PCDHGA6: variants seen among roughly 807,000 people sequenced by gnomAD.
PCDHGA6 encodes protocadherin gamma-A6.
A neutral mutation model predicts 60.6 loss-of-function variants in PCDHGA6; 41 were observed. The ratio of observed to expected loss-of-function variants is 0.68; its 90% CI spans 0.53 to 0.88. The LOEUF (loss-of-function observed/expected upper bound fraction) is 0.88, where lower values mean the gene tolerates loss of function less well. Ranked by LOEUF, PCDHGA6 falls within the 40% of genes least tolerant of loss-of-function variation. The pLI is 0.00. For synonymous variants in PCDHGA6, 594 were observed against 524.4 expected, an observed-to-expected ratio of 1.13 and a Z score of -1.81; for missense variants, 1,312 against 1,203.0, an observed-to-expected ratio of 1.09 and a Z score of -1.34.
chr5:141,456,178 A>G (rs1216202318), intron 1 of PCDHGA6, among the ~76,000 whole-genome samples: 1 of 151,926 alleles, frequency 6.6e-6, no homozygotes, highest in African/African-American at 2.4e-5. Context: ...ATTACAGAAT[A>G]ATTTCTTAAT....
rs752392369 is a variant in PCDHGA6 at position 141,422,109 on chromosome 5, A to G, written c.2424+45602A>G. ...AAAGCAAGGCTTCTGAAATATTCCA[A>G]TTGGATTCACAAACTGGAGAAGTTC... On this transcript the variant is annotated intron_variant, in intron 1 of 3. Coordinates refer to ENST00000517434, the MANE Select transcript of PCDHGA6 (RefSeq NM_018919.3). 6 of 1,606,850 alleles carry G rather than the reference A, an allele frequency of 3.7e-6. No homozygotes were observed. The African/African-American group carries it at 4.0e-5, about 11-fold the overall frequency.
chr5:141,426,643 T>C (rs1280631056), intron 1 of PCDHGA6: 1 of 411,758 alleles, frequency 2.4e-6, no homozygotes, highest in Non-Finnish European at 5.0e-6. Flanking sequence ...CACATAAATG[T>C]GATGATAGAA....
chr5:141,469,731 C>T (rs1332201791), intron 1 of PCDHGA6, among the ~76,000 whole-genome samples: 1 of 152,214 alleles, frequency 6.6e-6, no homozygotes, highest in Non-Finnish European at 1.5e-5. Context: ...ATCATAAATA[C>T]ACACCTCAAA....
chr5:141,422,453 G>A, intron 1 of PCDHGA6: 3 of 1,611,704 alleles, frequency 1.9e-6, no homozygotes, highest in Non-Finnish European at 2.5e-6. Context: ...ATAACAAGCA[G>A]AGTGCTGGAC....
At chr5:141,475,145 C>T (rs1214674720) in intron 1 of PCDHGA6, among the ~76,000 whole-genome samples, 2 of 151,980 alleles carry the variant, frequency 1.3e-5, no homozygotes, top group Non-Finnish European at 1.5e-5. Flanking sequence ...AAATCTTCTC[C>T]GTCTTCTTCT....
intron 1 of PCDHGA6, chr5:141,394,938 G>C: frequency 6.2e-7 from 1 of 1,613,780 alleles, no homozygotes; most frequent in Admixed American, 1.7e-5. Context: ...CGCCTTTGTC[G>C]CTGTGCTTCT....
At position 141,389,566 on chromosome 5, in the gene PCDHGA6, T is replaced by A. The variant is rs757362223; in HGVS notation, c.2424+13059T>A. On this transcript the variant is annotated intron_variant, in intron 1 of 3. Transcript: ENST00000517434. ...CGCAACGACAATGCGCCACGGGTGC[T>A]GTACCCCGCGCTGGGTCCCGACGGC... The A allele has an allele frequency of 3.2e-5, 52 of 1,613,278 alleles. No homozygotes were observed. The Middle Eastern group carries it at 6.6e-4, about 21-fold the overall frequency.
At chr5:141,384,179 G>C in intron 1 of PCDHGA6, 7 of 1,613,830 alleles carry the variant, frequency 4.3e-6, no homozygotes, top group Non-Finnish European at 5.9e-6. Context: ...GCCACAGATG[G>C]TGGAACTCCT....
intron 1 of PCDHGA6, among the ~76,000 whole-genome samples, chr5:141,492,886 C>A (rs1479930324): frequency 6.6e-6 from 1 of 152,178 alleles, no homozygotes; most frequent in African/African-American, 2.4e-5. Context: ...GAGATACAGG[C>A]TTTTGGCGCC....
intron 1 of PCDHGA6, chr5:141,393,081 A>T (rs1005323306): frequency 6.2e-7 from 1 of 1,613,672 alleles, no homozygotes; most frequent in South Asian, 1.1e-5. Flanking sequence ...CGCGGGCAGG[A>T]TAGATCGGGA....
In PCDHGA6 at chr5:141,375,541, A is replaced by C. The variant is rs566370523; in HGVS notation, c.1458A>C (p.Gln486His). 1 of 1,613,904 alleles carries C rather than the reference A, an allele frequency of 6.2e-7. No individual in the cohort carries two copies. Among genetic ancestry groups the C allele is most frequent in the South Asian group, 1.1e-5 (1 of 91,074 alleles). Residue 486 changes from glutamine to histidine, a missense_variant, in exon 1 of 4, where the codon CAA (glutamine) becomes CAC (histidine). By Grantham distance (24) the Gln-to-His change is conservative. Coordinates refer to ENST00000517434, the MANE Select transcript of PCDHGA6 (RefSeq NM_018919.3). ...ACCCTGACGTGGACCAGAACGCCCA[A>C]GTCTCCTACTCACTGGCAGAAGACA... ...ALDPDVDQNA[Q>H]VSYSLAEDTL...
chr5:141,381,775 C>T (rs1162791919), intron 1 of PCDHGA6, among the ~76,000 whole-genome samples: 1 of 150,644 alleles, frequency 6.6e-6, no homozygotes, highest in East Asian at 1.9e-4. Flanking sequence ...AATCAATAAT[C>T]AGGAACAAGG....
chr5:141,476,920 A>G lies in PCDHGA6; in HGVS notation c.2425-17887A>G. The G allele has an allele frequency of 6.2e-7, 1 of 1,614,094 alleles. No individual in the cohort carries two copies. The highest frequency in any genetic ancestry group is 1.1e-5 in the South Asian group (1 of 91,088). On this transcript the variant is annotated intron_variant, in intron 1 of 3. Coordinates refer to ENST00000517434, the MANE Select transcript of PCDHGA6 (RefSeq NM_018919.3). This position sits in a 1 kb window ranked among gnomAD's most constrained non-coding sequence, Gnocchi z 7.6. ...GCACGCGCGTGGTACAAGTCCTTGC[A>G]ACGGATCTGGATGAAGGCCCCAACG...
At chr5:141,450,225 C>A (rs1294362576) in intron 1 of PCDHGA6, among the ~76,000 whole-genome samples, 1 of 151,976 alleles carries the variant, frequency 6.6e-6, no homozygotes, top group Non-Finnish European at 1.5e-5. Flanking sequence ...ACTATGTTGG[C>A]CAGGCTAGTC....
Position 141,477,898 on chromosome 5 carries a change from A to G in PCDHGA6, c.2425-16909A>G. 1 of 1,614,158 alleles carries G rather than the reference A, an allele frequency of 6.2e-7. No homozygotes were observed. Among genetic ancestry groups the G allele is most frequent in the Middle Eastern group, 1.6e-4 (1 of 6,062 alleles). ...CTGGCCACCTAGTGTCACGGGTGGTAGGCTGGGACGCGGATGCAGGGCACA... is the reference window on the plus strand; with the variant it reads ...CTGGCCACCTAGTGTCACGGGTGGTGGGCTGGGACGCGGATGCAGGGCACA... On this transcript the variant is annotated intron_variant, in intron 1 of 3. Coordinates refer to ENST00000517434, the MANE Select transcript of PCDHGA6 (RefSeq NM_018919.3). This position sits in a 1 kb window ranked among gnomAD's most constrained non-coding sequence, Gnocchi z 4.9.
chr5:141,385,298 G>A (rs1409031209), intron 1 of PCDHGA6: 2 of 1,612,982 alleles, frequency 1.2e-6, no homozygotes, highest in Non-Finnish European at 8.5e-7. Context: ...TTTCAGGAAT[G>A]TAAAGAAAAC....
At chr5:141,465,852 G>A (rs1250863307) in intron 1 of PCDHGA6, among the ~76,000 whole-genome samples, 1 of 151,996 alleles carries the variant, frequency 6.6e-6, no homozygotes, top group East Asian at 1.9e-4. Context: ...GCTGGGCCCA[G>A]TGGCTCATGC....
At chr5:141,450,742 C>A (rs2098692216) in intron 1 of PCDHGA6, among the ~76,000 whole-genome samples, 1 of 152,118 alleles carries the variant, frequency 6.6e-6, no homozygotes, top group South Asian at 2.1e-4. Context: ...CCGCCTTGGC[C>A]TCCCAAAGTG....
chr5:141,404,517 A>G lies in PCDHGA6; in HGVS notation c.2424+28010A>G, dbSNP rs1268035794. On this transcript the variant is annotated intron_variant, in intron 1 of 3. Transcript: ENST00000517434. The stretch of plus-strand genomic sequence containing the variant: ...CTGTATGCTCTGTGCTCCTTTGACT[A>G]TGAGCAGTTTAGAGATTTGCAAATG... 5 of 1,613,938 alleles carry G rather than the reference A, an allele frequency of 3.1e-6. No homozygotes were observed. Among genetic ancestry groups the G allele is most frequent in the Non-Finnish European group, 3.4e-6 (4 of 1,179,844 alleles).
Sources: gnomAD v4.1 joint callset for allele counts (sites outside exome capture counted in the v4.1 genomes callset) on GRCh38, gnomAD v4.1.1 for gene constraint, Gnocchi (gnomAD v3.1) non-coding constraint, MANE v1.5 for transcripts, NCBI Gene and HGNC (gene_info 2026-07-23, HGNC 2026-07-21) for gene names.